KCNB2: variants seen among roughly 807,000 people sequenced by gnomAD.
The protein encoded by KCNB2 is delayed rectifier potassium channel protein.
A neutral mutation model predicts 61.5 loss-of-function variants in KCNB2; 15 were observed. That is an observed-to-expected ratio of 0.24 (90% CI 0.16 to 0.38). KCNB2 has a LOEUF of 0.38. Among genes scored for constraint, KCNB2 ranks in the 10% least tolerant of loss-of-function variants. The pLI is 1.00. For missense variants in KCNB2, 828 were observed against 1,125.2 expected, an observed-to-expected ratio of 0.74 and a Z score of 3.78; for synonymous variants, 457 against 446.0, an observed-to-expected ratio of 1.02 and a Z score of -0.31.
At chr8:72,605,975 T>A (rs1489177711) in intron 2 of KCNB2, among the ~76,000 whole-genome samples, 1 of 152,048 alleles carries the variant, frequency 6.6e-6, no homozygotes, top group Non-Finnish European at 1.5e-5. Flanking sequence ...TCAAATTAAT[T>A]GAAGAAAAGT....
At chr8:72,725,603 A>ATATATATATG (rs1807635808) in intron 2 of KCNB2, among the ~76,000 whole-genome samples, 9 of 110,930 alleles carry the variant, frequency 8.1e-5, no homozygotes, top group South Asian at 2.9e-4. Context: ...ATATATATAT[A>ATATATATATG]TATATATATA....
intron 2 of KCNB2, among the ~76,000 whole-genome samples, chr8:72,594,051 A>G (rs1807146050): frequency 6.6e-6 from 1 of 152,212 alleles, no homozygotes; most frequent in Non-Finnish European, 1.5e-5. Flanking sequence ...GGGTAGAAAG[A>G]TAAGTGAAAC....
chr8:72,608,320 A>G (rs1262521292), intron 2 of KCNB2, among the ~76,000 whole-genome samples: 1 of 152,076 alleles, frequency 6.6e-6, no homozygotes, highest in Admixed American at 6.6e-5. Context: ...CAGGGAGAGG[A>G]GGCAGGACTT....
intron 2 of KCNB2, among the ~76,000 whole-genome samples, chr8:72,850,873 A>C (rs940801203): frequency 6.8e-6 from 1 of 147,314 alleles, no homozygotes; most frequent in Non-Finnish European, 1.5e-5. Context: ...CAATCTTAAA[A>C]ATTTCTTCTT....
At chr8:72,607,240 A>G (rs1805464310) in intron 2 of KCNB2, among the ~76,000 whole-genome samples, 2 of 151,996 alleles carry the variant, frequency 1.3e-5, no homozygotes, top group South Asian at 4.2e-4. Context: ...GTGTGGGGAG[A>G]GGGATGGAGT....
At chr8:72,571,589 G>T (rs1407321676) in intron 2 of KCNB2, among the ~76,000 whole-genome samples, 1 of 152,144 alleles carries the variant, frequency 6.6e-6, no homozygotes. Context: ...GTTTTTATCT[G>T]TATGATGGAC....
At chr8:72,630,831 C>T (rs1381415237) in intron 2 of KCNB2, among the ~76,000 whole-genome samples, 2 of 152,126 alleles carry the variant, frequency 1.3e-5, no homozygotes, top group African/African-American at 2.4e-5. Flanking sequence ...AAAGAAGATA[C>T]ATCAGGACAC....
intron 2 of KCNB2, among the ~76,000 whole-genome samples, chr8:72,901,601 A>G (rs1454864855): frequency 6.6e-6 from 1 of 152,162 alleles, no homozygotes; most frequent in African/African-American, 2.4e-5. Context: ...ATTTTGGATG[A>G]GCCATAGTTT....
chr8:72,618,072 C>T (rs1805649806), intron 2 of KCNB2, among the ~76,000 whole-genome samples: 1 of 152,108 alleles, frequency 6.6e-6, no homozygotes, highest in African/African-American at 2.4e-5. Context: ...GCTGTTTCTC[C>T]TGCAGCCCCT....
At chr8:72,769,032 T>C (rs1585882520) in intron 2 of KCNB2, among the ~76,000 whole-genome samples, 1 of 152,076 alleles carries the variant, frequency 6.6e-6, no homozygotes, top group East Asian at 1.9e-4. Context: ...TGGTGGCACA[T>C]GCCTGTAATC....
chr8:72,937,919 C>A lies in KCNB2; in HGVS notation c.2564C>A (p.Ser855Tyr), dbSNP rs776419810. The A allele has an allele frequency of 2.5e-6, 4 of 1,614,092 alleles. No homozygotes were observed. Among genetic ancestry groups the A allele is most frequent in the East Asian group, 4.5e-5 (2 of 44,866 alleles). ...LREEGSVGSS[S>Y]PQDTGHNCRQ... is the part of the protein sequence containing the mutation. ...GAAGAGGGCAGTGTGGGCTCTTCCT[C>A]CCCGCAGGACACAGGTCACAACTGT... The change falls in exon 3 of 3, where the codon TCC becomes TAC. Residue 855 changes from serine to tyrosine, a missense_variant. This residue lies in a region of KCNB2 where 559 missense variants were observed against 588.4 expected (regional missense o/e 0.95). Coordinates refer to ENST00000523207, the MANE Select transcript of KCNB2 (RefSeq NM_004770.3).
intron 2 of KCNB2, among the ~76,000 whole-genome samples, chr8:72,925,216 G>T (rs1262965952): frequency 2.6e-5 from 4 of 152,172 alleles, no homozygotes; most frequent in Non-Finnish European, 5.9e-5. Flanking sequence ...GGTGATAGAT[G>T]AGATGATGAA....
At chr8:72,687,293 T>C (rs1806868115) in intron 2 of KCNB2, among the ~76,000 whole-genome samples, 1 of 152,248 alleles carries the variant, frequency 6.6e-6, no homozygotes, top group African/African-American at 2.4e-5. Context: ...ACAGTGTGTT[T>C]TTCTTTCAGC....
At position 72,567,794 on chromosome 8, in the gene KCNB2, T is replaced by G. The variant is rs1386024724; in HGVS notation, c.60T>G (p.Leu20=). 1 of 1,609,750 alleles carries G rather than the reference T, an allele frequency of 6.2e-7. No individual in the cohort carries two copies. The highest frequency in any genetic ancestry group is 8.5e-7 in the Non-Finnish European group (1 of 1,178,650). ...NRKTSRSTLS[L]PPEPVDIIRS... ...AGACTTCAAGGTCGACACTTTCCCT[T>G]CCTCCAGAGCCTGTGGACATTATCC... The change falls in exon 2 of 3, where the codon CTT becomes CTG. Residue 20 remains leucine (L), a synonymous_variant. Transcript: ENST00000523207.
chr8:72,783,586 A>G (rs768819189), intron 2 of KCNB2, among the ~76,000 whole-genome samples: 9 of 152,056 alleles, frequency 5.9e-5, no homozygotes, highest in Non-Finnish European at 1.2e-4. Context: ...GAAGATGCCC[A>G]TCCTCCCCAC....
intron 2 of KCNB2, among the ~76,000 whole-genome samples, chr8:72,934,270 A>G (rs1161013201): frequency 6.6e-6 from 1 of 151,806 alleles, no homozygotes; most frequent in Non-Finnish European, 1.5e-5. Flanking sequence ...CAGGTGGCTG[A>G]GGTCAAGGCC....
chr8:72,677,036 A>T (rs988261961), intron 2 of KCNB2, among the ~76,000 whole-genome samples: 3 of 152,202 alleles, frequency 2.0e-5, no homozygotes, highest in African/African-American at 7.2e-5. Context: ...AAATTAGGTC[A>T]TGCTGGAGTA....
At chr8:72,761,023 GC>G (rs1808369748) in intron 2 of KCNB2, among the ~76,000 whole-genome samples, 1 of 152,160 alleles carries the variant, frequency 6.6e-6, no homozygotes, top group Non-Finnish European at 1.5e-5. Flanking sequence ...AACTTGGGAT[GC>G]TTTTGACTAT....
At chr8:72,851,841 A>AAAACAAAACC (rs1810120942) in intron 2 of KCNB2, among the ~76,000 whole-genome samples, 2 of 111,388 alleles carry the variant, frequency 1.8e-5, no homozygotes, top group African/African-American at 9.1e-5. Context: ...AAAAAAAAAA[A>AAAACAAAACC]AAAAAAACAC....
Sources: allele counts gnomAD v4.1 joint callset (sites outside exome capture counted in the v4.1 genomes callset), GRCh38; gene constraint gnomAD v4.1.1; regional missense constraint gnomAD v4.1.1; transcripts MANE v1.5; gene names NCBI Gene and HGNC (gene_info 2026-07-23, HGNC 2026-07-21).